The following IL12RB2 variants were observed in gnomAD, a reference collection of about 807,000 sequenced individuals.
IL12RB2 encodes the protein interleukin 12 receptor subunit beta 2, also known as interleukin-12 receptor subunit beta-2.
Under a neutral mutation model 89.4 loss-of-function variants are expected in IL12RB2, and 82 were observed. The ratio of observed to expected loss-of-function variants is 0.92; its 90% CI spans 0.77 to 1.10. The LOEUF is 1.10. Ranked by LOEUF, IL12RB2 falls within the 50% of genes least tolerant of loss-of-function variation. The pLI, the probability that IL12RB2 is intolerant of heterozygous loss-of-function variation, is 0.00. For missense variants in IL12RB2, 963 were observed against 1,031.9 expected (o/e 0.93, Z 0.92); for synonymous variants, 368 against 370.1 (o/e 0.99, Z 0.07).
At chr1:67,392,700 G>A (rs569825784) in intron 16 of IL12RB2, among the ~76,000 whole-genome samples, 20 of 138,804 alleles carry the variant, frequency 1.4e-4, no homozygotes, top group African/African-American at 5.2e-4. Flanking sequence ...GCACTATCTC[G>A]GCTCACCGCA....
intron 8 of IL12RB2, among the ~76,000 whole-genome samples, chr1:67,333,559 A>G (rs1416523058): frequency 6.6e-6 from 1 of 152,132 alleles, no homozygotes; most frequent in Non-Finnish European, 1.5e-5. Flanking sequence ...CCTTTACTCC[A>G]TAGGGCCCTT....
At chr1:67,385,977 G>C (rs944872424) in intron 14 of IL12RB2, among the ~76,000 whole-genome samples, 1 of 152,066 alleles carries the variant, frequency 6.6e-6, no homozygotes, top group Admixed American at 6.5e-5. Flanking sequence ...TTGGGAGGCC[G>C]AGGCAGGCAG....
chr1:67,382,251 T>C (rs1258730443), intron 14 of IL12RB2, among the ~76,000 whole-genome samples: 1 of 152,192 alleles, frequency 6.6e-6, no homozygotes, highest in Non-Finnish European at 1.5e-5. Flanking sequence ...TCCTCCTGAT[T>C]GTATGGGGTA....
chr1:67,372,899 G>T, intron 13 of IL12RB2, 116 bp downstream of exon 13: 1 of 778,346 alleles, frequency 1.3e-6, no homozygotes, highest in South Asian at 1.4e-5. Flanking sequence ...CTGGCATATA[G>T]TAAGTACTCC....
At chr1:67,324,501 A>G (rs900259000) in intron 4 of IL12RB2, among the ~76,000 whole-genome samples, 15 of 152,046 alleles carry the variant, frequency 9.9e-5, no homozygotes, top group African/African-American at 2.9e-4. Flanking sequence ...GATTATAGAC[A>G]CGCACCACCA....
Position 67,370,037 on chromosome 1 carries a change from C to A in IL12RB2, c.1459+2012C>A, listed in dbSNP as rs1320327313. ...ACTCCATCTGAAAAAAAAAAAAAAA[C>A]AATATACTAATGAATAAAATAACTT... On this transcript the variant is annotated intron_variant, in intron 11 of 16. Transcript: ENST00000674203. 4.9e-4 allele frequency among the ~76,000 whole-genome samples: 63 copies of A among 129,690 alleles called. 1 individual carries two copies. Among genetic ancestry groups the A allele is most frequent in the Admixed American group, 1.2e-3 (15 of 12,850 alleles). 85.1% of individuals were successfully genotyped at this position (129,690 alleles called of 152,430 possible). A position where few individuals can be genotyped will look rare whatever the true frequency, so the allele number is the denominator to read the frequency against.
At chr1:67,317,477 C>A (rs1655928258) in intron 2 of IL12RB2, among the ~76,000 whole-genome samples, 1 of 152,158 alleles carries the variant, frequency 6.6e-6, no homozygotes, top group African/African-American at 2.4e-5. Context: ...GTCCTTGGTA[C>A]CTCATATCTC....
chr1:67,322,585 T>C (rs1045219019), intron 4 of IL12RB2, among the ~76,000 whole-genome samples: 2 of 152,146 alleles, frequency 1.3e-5, no homozygotes, highest in African/African-American at 4.8e-5. Flanking sequence ...ATCACTGGAC[T>C]GGCCACAGCT....
chr1:67,358,071 A>G (rs1483839697), intron 10 of IL12RB2, among the ~76,000 whole-genome samples: 2 of 152,102 alleles, frequency 1.3e-5, no homozygotes, highest in Non-Finnish European at 2.9e-5. Context: ...ATTTTATTGT[A>G]AAGTGTAAGG....
At chr1:67,351,902 A>G (rs1660891559) in intron 10 of IL12RB2, among the ~76,000 whole-genome samples, 1 of 152,192 alleles carries the variant, frequency 6.6e-6, no homozygotes, top group Admixed American at 6.5e-5. Context: ...AAAGAATTCC[A>G]TGTCAAGTTC....
chr1:67,310,271 C>T (rs937588761), intron 1 of IL12RB2, among the ~76,000 whole-genome samples: 12 of 148,680 alleles, frequency 8.1e-5, no homozygotes, highest in Middle Eastern at 3.5e-3. Flanking sequence ...TAGTGTTCTT[C>T]GCTAGTGTAA....
intron 9 of IL12RB2, among the ~76,000 whole-genome samples, chr1:67,340,519 G>C: frequency 6.6e-6 from 1 of 152,192 alleles, no homozygotes; most frequent in East Asian, 1.9e-4. Flanking sequence ...GTAGAATGAG[G>C]GTAATGATAC....
chr1:67,308,858 A>G (rs1654638656), intron 1 of IL12RB2, among the ~76,000 whole-genome samples: 1 of 152,006 alleles, frequency 6.6e-6, no homozygotes. Flanking sequence ...TGTCTCTATT[A>G]AAAATACGAA....
intron 9 of IL12RB2, among the ~76,000 whole-genome samples, chr1:67,346,165 G>T (rs1306042691): frequency 6.6e-6 from 1 of 152,080 alleles, no homozygotes; most frequent in East Asian, 1.9e-4. Flanking sequence ...GGATGTTCTT[G>T]GGCAAAGTGC....
rs972709476 is a variant in IL12RB2, at chr1:67,396,479, C to G, written c.*390C>G. ...GACTATTTCTAAAGCACCTGCTACA[C>G]AGCAGGCTGTACACAGCAGATCAGT... On this transcript the variant is annotated 3_prime_UTR_variant, in exon 17 of 17. Coordinates refer to ENST00000674203, the MANE Select transcript of IL12RB2 (RefSeq NM_001374259.2). 3 of 353,664 alleles carry G rather than the reference C, an allele frequency of 8.5e-6. No homozygotes were observed. The highest frequency in any genetic ancestry group is 6.3e-5 in the African/African-American group (3 of 47,322). The allele number at this position is 353,664 out of a possible 1,614,324, so 21.9% of individuals were successfully genotyped here. A position where few individuals can be genotyped will look rare whatever the true frequency, so the allele number is the denominator to read the frequency against.
At chr1:67,313,843 G>A (rs557579827) in intron 1 of IL12RB2, 70 bp from the exon 2 acceptor site, 1 of 152,226 alleles carries the variant, frequency 6.6e-6, no homozygotes, top group East Asian at 1.9e-4. Context: ...GAGAGAGAGA[G>A]AGAGACTGAG....
rs139578417 is a variant in IL12RB2 at position 67,380,612 on chromosome 1, G to A, written c.1855+489G>A. Among the ~76,000 whole-genome samples the A allele has an allele frequency of 2.7e-3, 404 of 152,332 alleles. 2 individuals are homozygous for A. Among genetic ancestry groups the A allele is most frequent in the African/African-American group, 9.3e-3 (385 of 41,572 alleles). The stretch of plus-strand genomic sequence containing the variant: ...TATACTACATTAATTTGCTGGGGCT[G>A]CTGTAACGAAGCACCACAAACTGAG... On this transcript the variant is annotated intron_variant, in intron 14 of 16. Coordinates refer to ENST00000674203, the MANE Select transcript of IL12RB2 (RefSeq NM_001374259.2).
chr1:67,366,406 G>A (rs868833855), intron 10 of IL12RB2, among the ~76,000 whole-genome samples: 8 of 145,938 alleles, frequency 5.5e-5, no homozygotes, highest in African/African-American at 2.0e-4. Context: ...AGCCGAGATG[G>A]TGCCACTGCA....
Position 67,338,710 on chromosome 1 carries a change from T to G in IL12RB2, c.1038+7T>G. On this transcript the variant is annotated splice_region_variant and intron_variant, in intron 9 of 16. Transcript: ENST00000674203. ...GATTTCTCTTTTCTGGAAGGTGAGT[T>G]TTAAGCGTCAACTTAAAACTCAAGG... 2 of 1,395,754 alleles carry G rather than the reference T, an allele frequency of 1.4e-6. No individual in the cohort carries two copies. Among genetic ancestry groups the G allele is most frequent in the Non-Finnish European group, 2.0e-6 (2 of 980,582 alleles). 86.5% of individuals were successfully genotyped at this position (1,395,754 alleles called of 1,614,324 possible). A position where few individuals can be genotyped will look rare whatever the true frequency, so the allele number is the denominator to read the frequency against.
Sources: allele counts gnomAD v4.1 joint callset (sites outside exome capture counted in the v4.1 genomes callset), GRCh38; gene constraint gnomAD v4.1.1; transcripts MANE v1.5; gene names NCBI Gene and HGNC (gene_info 2026-07-23, HGNC 2026-07-21).